ANKRD44: variants seen among roughly 807,000 people sequenced by gnomAD.
ANKRD44 encodes the protein ankyrin repeat domain 44, also known as serine/threonine-protein phosphatase 6 regulatory ankyrin repeat subunit B.
A neutral mutation model predicts 116.0 loss-of-function variants in ANKRD44; 35 were observed. The observed-to-expected ratio is 0.30, with a 90% CI of 0.23 to 0.40. ANKRD44 has a LOEUF of 0.40. Among genes scored for constraint, ANKRD44 ranks in the 10% least tolerant of loss-of-function variants. ANKRD44 has a pLI of 1.00. For missense variants in ANKRD44, 1,014 were observed against 1,242.6 expected (o/e 0.82, Z 2.77); for synonymous variants, 435 against 461.8 (o/e 0.94, Z 0.74).
At chr2:196,973,859 C>T (rs972586010) in intron 21 of ANKRD44, among the ~76,000 whole-genome samples, 6 of 152,108 alleles carry the variant, frequency 3.9e-5, no homozygotes, top group Admixed American at 2.6e-4. Flanking sequence ...AGTTTCATGA[C>T]GTTAAACATA....
chr2:197,223,948 C>T (rs544449582), intron 1 of ANKRD44, among the ~76,000 whole-genome samples: 6 of 151,628 alleles, frequency 4.0e-5, no homozygotes, highest in Admixed American at 6.6e-5. Context: ...GACGATTCCA[C>T]GAAGGTATAA....
chr2:197,030,925 C>T (rs1445165876), intron 16 of ANKRD44, among the ~76,000 whole-genome samples: 1 of 152,038 alleles, frequency 6.6e-6, no homozygotes, highest in Non-Finnish European at 1.5e-5. Context: ...GTCCTCCTAC[C>T]TCAACCTCCC....
chr2:197,246,246 G>T (rs754685301), intron 1 of ANKRD44, among the ~76,000 whole-genome samples: 4 of 149,176 alleles, frequency 2.7e-5, no homozygotes, highest in African/African-American at 4.9e-5. Flanking sequence ...GAGTACAATG[G>T]CAGCAACATA....
intron 2 of ANKRD44, chr2:197,147,874 TTGA>T (rs931574938): frequency 2.9e-5 from 13 of 455,744 alleles, no homozygotes; most frequent in Non-Finnish European, 4.9e-5. Context: ...AGAGCTAAGG[TTGA>T]TATTATCTCT....
chr2:197,072,476 C>G (rs1246636523), intron 16 of ANKRD44, among the ~76,000 whole-genome samples: 4 of 152,180 alleles, frequency 2.6e-5, no homozygotes, highest in African/African-American at 9.7e-5. Flanking sequence ...GTCCAGGCCA[C>G]AGAAAGGCAA....
chr2:197,294,345 G>A (rs1367047917), intron 1 of ANKRD44, among the ~76,000 whole-genome samples: 6 of 152,118 alleles, frequency 3.9e-5, no homozygotes, highest in African/African-American at 1.4e-4. Context: ...TCTGAGAAAA[G>A]TGAACCTTTA....
intron 1 of ANKRD44, among the ~76,000 whole-genome samples, chr2:197,265,066 C>T (rs577627523): frequency 1.3e-5 from 2 of 152,118 alleles, no homozygotes; most frequent in Non-Finnish European, 2.9e-5. Context: ...CACAGAATTC[C>T]GTCCTCATAG....
chr2:196,991,442 AGTT>A (rs1174204068), intron 27 of ANKRD44, among the ~76,000 whole-genome samples: 1 of 152,230 alleles, frequency 6.6e-6, no homozygotes, highest in Non-Finnish European at 1.5e-5. Flanking sequence ...TGAGTAATGA[AGTT>A]TTGTCACTTT....
chr2:197,154,369 C>G (rs1353493487), intron 2 of ANKRD44, among the ~76,000 whole-genome samples: 1 of 151,396 alleles, frequency 6.6e-6, no homozygotes, highest in African/African-American at 2.4e-5. Flanking sequence ...TTAGTAGAGA[C>G]GGGGTTTCAC....
At chr2:197,081,770 T>A (rs1400190899) in intron 14 of ANKRD44, 45 bp from the exon 15 acceptor site, 7 of 1,489,956 alleles carry the variant, frequency 4.7e-6, no homozygotes, top group African/African-American at 1.4e-5. Flanking sequence ...ATTAATTTTT[T>A]AAATGGCAAA....
intron 16 of ANKRD44, among the ~76,000 whole-genome samples, chr2:197,039,609 C>T (rs1048865296): frequency 2.0e-5 from 3 of 151,734 alleles, no homozygotes; most frequent in African/African-American, 7.3e-5. Flanking sequence ...GTGGAAGAGG[C>T]ATCTGATTTT....
intron 8 of ANKRD44, among the ~76,000 whole-genome samples, chr2:197,111,579 C>T (rs889829290): frequency 6.6e-6 from 1 of 150,888 alleles, no homozygotes; most frequent in African/African-American, 2.4e-5. Context: ...GCGGAGGTTG[C>T]AGTGAGCCAA....
intron 1 of ANKRD44, among the ~76,000 whole-genome samples, chr2:197,290,406 G>T (rs2083529705): frequency 6.6e-6 from 1 of 152,108 alleles, no homozygotes; most frequent in South Asian, 2.1e-4. Context: ...CTTCTTTTGA[G>T]AAATGTCTAT....
chr2:196,971,634 G>C (rs2889288), intron 21 of ANKRD44, among the ~76,000 whole-genome samples: 25,783 of 152,104 alleles, frequency 0.17, 2,233 homozygotes, highest in African/African-American at 0.21. Flanking sequence ...ATTTTGGCAT[G>C]CGTGTCTCTA....
chr2:197,029,317 GT>G, intron 16 of ANKRD44: 1 of 264,762 alleles, frequency 3.8e-6, no homozygotes. Flanking sequence ...TTGCATATGG[GT>G]TTAGCTTCAA....
chr2:197,289,962 C>A lies in ANKRD44; in HGVS notation c.27+20616G>T, dbSNP rs147768481. Among the ~76,000 whole-genome samples, 424 of 151,424 alleles carry A rather than the reference C, an allele frequency of 2.8e-3. 5 individuals are homozygous for A. The highest frequency in any genetic ancestry group is 9.9e-3 in the African/African-American group (410 of 41,228). The stretch of plus-strand genomic sequence containing the variant: ...CTCACTGCAACCTCCTGGGTTCAAG[C>A]AATTCTCCTAACCTCAGCCTCCCAA... On this transcript the variant is annotated intron_variant, in intron 1 of 27. Transcript: ENST00000282272.
At chr2:197,121,901 G>A (rs1415653185) in intron 7 of ANKRD44, among the ~76,000 whole-genome samples, 1 of 152,180 alleles carries the variant, frequency 6.6e-6, no homozygotes, top group Non-Finnish European at 1.5e-5. Context: ...TAGGATTGGG[G>A]CACAGAAAAC....
chr2:197,119,543 G>A (rs1559078701), intron 8 of ANKRD44, among the ~76,000 whole-genome samples: 3 of 152,002 alleles, frequency 2.0e-5, no homozygotes, highest in African/African-American at 4.8e-5. Flanking sequence ...CACCACACTT[G>A]GCATGTTCAT....
chr2:197,273,074 T>G (rs939214818), intron 1 of ANKRD44, among the ~76,000 whole-genome samples: 1 of 152,126 alleles, frequency 6.6e-6, no homozygotes, highest in African/African-American at 2.4e-5. Context: ...CAATACAAAC[T>G]TTTTTTTCTA....
Sources: gnomAD v4.1 joint callset for allele counts (sites outside exome capture counted in the v4.1 genomes callset) on GRCh38, gnomAD v4.1.1 for gene constraint, MANE v1.5 for transcripts, NCBI Gene and HGNC (gene_info 2026-07-23, HGNC 2026-07-21) for gene names.